AP3S1: variants seen among roughly 807,000 people sequenced by gnomAD.
AP3S1 encodes adaptor related protein complex 3 subunit sigma 1, also known as AP-3 complex subunit sigma-1.
A neutral mutation model predicts 21.3 loss-of-function variants in AP3S1; 12 were observed. The ratio of observed to expected loss-of-function variants is 0.56; its 90% CI spans 0.36 to 0.91. The LOEUF (loss-of-function observed/expected upper bound fraction) is 0.91. Ranked by LOEUF, AP3S1 falls within the 40% of genes least tolerant of loss-of-function variation. The probability of loss-of-function intolerance (pLI) is 0.01; values close to 1 mark genes in which losing one functional copy is unlikely to be tolerated. For synonymous variants in AP3S1, 48 were observed against 78.4 expected, an observed-to-expected ratio of 0.61 and a Z score of 2.05; for missense variants, 116 against 225.0, an observed-to-expected ratio of 0.52 and a Z score of 3.10.
intron 3 of AP3S1, among the ~76,000 whole-genome samples, chr5:115,894,026 C>T (rs1750541359): frequency 6.6e-6 from 1 of 152,162 alleles, no homozygotes; most frequent in Admixed American, 6.5e-5. Flanking sequence ...CAGAGATCAT[C>T]AGGATCATCT....
At chr5:115,904,515 C>T (rs1751480815) in intron 5 of AP3S1, among the ~76,000 whole-genome samples, 1 of 152,090 alleles carries the variant, frequency 6.6e-6, no homozygotes, top group Admixed American at 6.6e-5. Flanking sequence ...CTGTTGGTTT[C>T]CCAAAGGAGA....
intron 2 of AP3S1, among the ~76,000 whole-genome samples, chr5:115,868,982 G>GGAGAGA (rs1554066613): frequency 1.0e-5 from 1 of 99,420 alleles, no homozygotes; most frequent in African/African-American, 3.7e-5. Context: ...AGGGAGGGAG[G>GGAGAGA]GAGAGATGCC....
At chr5:115,878,713 C>T (rs545544760) in intron 3 of AP3S1, among the ~76,000 whole-genome samples, 15 of 151,966 alleles carry the variant, frequency 9.9e-5, no homozygotes, top group Admixed American at 3.3e-4. Flanking sequence ...GTTTAAAGTA[C>T]TTTTTTGTAA....
At chr5:115,877,344 C>T (rs770226309) in intron 3 of AP3S1, among the ~76,000 whole-genome samples, 32 of 152,096 alleles carry the variant, frequency 2.1e-4, no homozygotes, top group Non-Finnish European at 3.7e-4. Flanking sequence ...AATGCTATCC[C>T]TCCCCTAGCC....
At chr5:115,843,673 A>G (rs1021708906) in intron 1 of AP3S1, among the ~76,000 whole-genome samples, 1 of 152,244 alleles carries the variant, frequency 6.6e-6, no homozygotes, top group African/African-American at 2.4e-5. Context: ...TAGTAAAACA[A>G]TTCAAAAAAT....
intron 1 of AP3S1, 24 bp downstream of exon 1, chr5:115,842,130 C>A (rs1401016950): frequency 8.5e-6 from 13 of 1,536,268 alleles, no homozygotes; most frequent in African/African-American, 1.4e-5. Context: ...CGCCGCTGAT[C>A]CGGGCGAGGG....
At chr5:115,906,745 A>C (rs1751686961) in intron 5 of AP3S1, 1 of 1,152,388 alleles carries the variant, frequency 8.7e-7, no homozygotes, top group African/African-American at 1.6e-5. Context: ...TTTAGTCACT[A>C]CTTTTTGAAA....
chr5:115,843,437 C>T (rs1035982112), intron 1 of AP3S1, among the ~76,000 whole-genome samples: 1 of 152,110 alleles, frequency 6.6e-6, no homozygotes, highest in Non-Finnish European at 1.5e-5. Context: ...TTCTGCTACT[C>T]GTGTGTGGTT....
chr5:115,895,135 G>A lies in AP3S1; in HGVS notation c.322G>A (p.Asp108Asn). Reference protein sequence around the residue: ...DKCFENVCELDLIFHVDKVHN... With the variant: ...DKCFENVCELNLIFHVDKVHN... ...ATGTTTTGAAAATGTCTGTGAGCTG[G>A]ATTTGATTTTCCATGTAGACAAGGT... The change falls in exon 4 of 6, where the codon GAT becomes AAT. Residue 108 changes from aspartate (D) to asparagine (N), a missense_variant. Transcript: ENST00000316788. 3 of 1,605,064 alleles carry A rather than the reference G, an allele frequency of 1.9e-6. No homozygotes were observed. In the South Asian group the frequency reaches 3.4e-5, roughly 18 times the overall value.
intron 1 of AP3S1, among the ~76,000 whole-genome samples, chr5:115,847,430 C>T (rs1762142993): frequency 1.3e-5 from 2 of 152,114 alleles, no homozygotes; most frequent in African/African-American, 2.4e-5. Context: ...CAAGCCTGGG[C>T]AACGTGGCAA....
intron 4 of AP3S1, 120 bp downstream of exon 4, chr5:115,895,278 T>G (rs1750658274): frequency 1.5e-6 from 1 of 677,428 alleles, no homozygotes. Context: ...AATTCATAAT[T>G]TTTTTTTTAC....
At chr5:115,871,924 T>C (rs747712602) in intron 3 of AP3S1, among the ~76,000 whole-genome samples, 10 of 152,184 alleles carry the variant, frequency 6.6e-5, no homozygotes, top group African/African-American at 9.7e-5. Context: ...GTGGCATGGT[T>C]TGAGCTCTAG....
chr5:115,842,068 C>T lies in AP3S1; in HGVS notation c.31C>T (p.His11Tyr), dbSNP rs374131819. 3.0e-5 allele frequency: 47 copies of T among 1,586,808 alleles called. No homozygotes were observed. Among genetic ancestry groups the T allele is most frequent in the Non-Finnish European group, 3.9e-5 (46 of 1,167,880 alleles). Residue 11 changes from histidine (H) to tyrosine (Y), a missense_variant, in exon 1 of 6, where the codon CAC (histidine) becomes TAC (tyrosine). This residue lies in a region of AP3S1 where 50 missense variants were observed against 55.5 expected (regional missense o/e 0.90). Coordinates refer to ENST00000316788, the MANE Select transcript of AP3S1 (RefSeq NM_001284.4). ...CAAGGCGATCCTAATCTTCAACAAC[C>T]ACGGGAAGCCGCGGCTCTCCAAGTT... MIKAILIFNN[H>Y]GKPRLSKFYQ... is the part of the protein sequence containing the mutation.
chr5:115,867,877 G>C (rs1433356893), intron 2 of AP3S1, among the ~76,000 whole-genome samples: 2 of 152,142 alleles, frequency 1.3e-5, no homozygotes, highest in Admixed American at 6.5e-5. Flanking sequence ...ATTTGAATTA[G>C]AAATTGTGGC....
At chr5:115,878,804 C>T (rs919007896) in intron 3 of AP3S1, among the ~76,000 whole-genome samples, 20 of 152,264 alleles carry the variant, frequency 1.3e-4, no homozygotes, top group South Asian at 8.3e-4. Flanking sequence ...GCCATTTTCA[C>T]GATACTGATT....
intron 3 of AP3S1, among the ~76,000 whole-genome samples, chr5:115,883,911 T>C (rs948612556): frequency 7.2e-5 from 11 of 152,238 alleles, no homozygotes; most frequent in South Asian, 2.1e-4. Context: ...ATAATACTTA[T>C]TAACCTTAAC....
At chr5:115,908,361 A>G (rs1751829275) in intron 5 of AP3S1, among the ~76,000 whole-genome samples, 1 of 152,170 alleles carries the variant, frequency 6.6e-6, no homozygotes, top group Non-Finnish European at 1.5e-5. Flanking sequence ...CTTTTTTAAA[A>G]AAAATCAAGT....
chr5:115,881,274 G>A (rs6879485), intron 3 of AP3S1, among the ~76,000 whole-genome samples: 56,830 of 151,862 alleles, frequency 0.37, 11,258 homozygotes, highest in African/African-American at 0.48. Context: ...CTGTTAGTTG[G>A]TGCAGTTTCT....
At chr5:115,874,883 T>C (rs1330720737) in intron 3 of AP3S1, among the ~76,000 whole-genome samples, 2 of 152,144 alleles carry the variant, frequency 1.3e-5, no homozygotes, top group Non-Finnish European at 2.9e-5. Context: ...ACCATTTAGC[T>C]CTGCCATATA....
Sources: gnomAD v4.1 joint callset for allele counts (sites outside exome capture counted in the v4.1 genomes callset) on GRCh38, gnomAD v4.1.1 for gene constraint, gnomAD v4.1.1 regional missense constraint, MANE v1.5 for transcripts, NCBI Gene and HGNC (gene_info 2026-07-23, HGNC 2026-07-21) for gene names.